NPSR1: variants seen among roughly 807,000 people sequenced by gnomAD.
NPSR1 encodes neuropeptide S receptor.
Under a neutral mutation model 46.9 loss-of-function variants are expected in NPSR1, and 48 were observed. That is an observed-to-expected ratio of 1.02 (90% CI 0.81 to 1.30). The LOEUF is 1.30. NPSR1 is among the 50% of genes most tolerant of loss of function. NPSR1 has a pLI of 0.00. For missense variants in NPSR1, 450 were observed against 449.5 expected, an observed-to-expected ratio of 1.00 and a Z score of -0.01; for synonymous variants, 176 against 168.1, an observed-to-expected ratio of 1.05 and a Z score of -0.36.
At chr7:34,827,627 AC>A in intron 5 of NPSR1, 25 bp downstream of exon 5, 1 of 456,248 alleles carries the variant, frequency 2.2e-6, no homozygotes, top group Non-Finnish European at 4.1e-6. Context: ...GGACAGGACC[AC>A]ACGGGGGGGT....
chr7:34,758,250 C>T (rs551292858), intron 2 of NPSR1: 2 of 152,390 alleles, frequency 1.3e-5, no homozygotes, highest in Admixed American at 1.3e-4. Flanking sequence ...CTCTTACTAA[C>T]ATCTATATTT....
At position 34,864,594 on chromosome 7, in the gene NPSR1, T is replaced by C. The variant is rs186458407; in HGVS notation, c.1026-13482T>C. ...ATTAAAAGTTCAAAGAAAATTAATG[T>C]CCAAAATATATCCCAATTTCTTATC... On this transcript the variant is annotated intron_variant, in intron 8 of 8. Coordinates refer to the NPSR1 transcript ENST00000359791. 3.9e-5 allele frequency among the ~76,000 whole-genome samples: 6 copies of C among 151,950 alleles called. No homozygotes were observed. In the East Asian group the frequency reaches 9.6e-4, roughly 24 times the overall value.
chr7:34,827,689 A>T, intron 5 of NPSR1, 87 bp downstream of exon 5: 1 of 901,706 alleles, frequency 1.1e-6, no homozygotes, highest in Non-Finnish European at 1.7e-6. Context: ...CCTCCCCAAC[A>T]GACCCATTTT....
chr7:34,739,274 T>C (rs745989454), intron 2 of NPSR1, among the ~76,000 whole-genome samples: 3 of 152,234 alleles, frequency 2.0e-5, no homozygotes, highest in African/African-American at 4.8e-5. Context: ...AATTGCTGGG[T>C]CATATGATAA....
chr7:34,794,578 G>C (rs1788088312), intron 3 of NPSR1, among the ~76,000 whole-genome samples: 1 of 152,068 alleles, frequency 6.6e-6, no homozygotes, highest in Admixed American at 6.6e-5. Flanking sequence ...ATCAAGCCCA[G>C]ATGGGTTCAC....
At chr7:34,783,087 AAG>A (rs1421400296) in intron 3 of NPSR1, among the ~76,000 whole-genome samples, 2 of 152,166 alleles carry the variant, frequency 1.3e-5, no homozygotes, top group Non-Finnish European at 2.9e-5. Context: ...ACTAAAGAAA[AAG>A]AAAGAAAAAA....
At chr7:34,759,999 T>TAA (rs1786080592) in intron 2 of NPSR1, among the ~76,000 whole-genome samples, 1 of 152,246 alleles carries the variant, frequency 6.6e-6, no homozygotes, top group Non-Finnish European at 1.5e-5. Flanking sequence ...CTTTTCACCT[T>TAA]ATCCGCCATC....
At chr7:34,790,988 A>ATATGTTATATGTTATATGTTATATGT in intron 3 of NPSR1, among the ~76,000 whole-genome samples, 1 of 92,682 alleles carries the variant, frequency 1.1e-5, no homozygotes, top group South Asian at 3.0e-4. Flanking sequence ...ATGTTATATT[A>ATATGTTATATGTTATATGTTATATGT]TATATGTTAT....
At chr7:34,832,790 T>C (rs1011433424) in intron 5 of NPSR1, among the ~76,000 whole-genome samples, 5 of 152,216 alleles carry the variant, frequency 3.3e-5, no homozygotes, top group African/African-American at 9.6e-5. Flanking sequence ...AATTAAATAC[T>C]GGGGTTGCAA....
intron 4 of NPSR1, among the ~76,000 whole-genome samples, chr7:34,818,636 G>A (rs1261082840): frequency 6.6e-6 from 1 of 152,148 alleles, no homozygotes; most frequent in African/African-American, 2.4e-5. Context: ...AAAGAACAAA[G>A]CTGGAGACAT....
intron 6 of NPSR1, among the ~76,000 whole-genome samples, chr7:34,836,672 AAG>A (rs370898026): frequency 1.3e-5 from 2 of 149,812 alleles, no homozygotes; most frequent in South Asian, 2.2e-4. Flanking sequence ...AGAAGAAAGA[AAG>A]AGAGAGAGGG....
chr7:34,696,253 G>A (rs2128693058), intron 2 of NPSR1, among the ~76,000 whole-genome samples: 1 of 152,166 alleles, frequency 6.6e-6, no homozygotes, highest in East Asian at 1.9e-4. Flanking sequence ...ATAAGGGGGA[G>A]CTAAATATCC....
chr7:34,866,780 A>G (rs1791325033), intron 8 of NPSR1, among the ~76,000 whole-genome samples: 1 of 151,704 alleles, frequency 6.6e-6, no homozygotes, highest in South Asian at 2.1e-4. Context: ...AATTATTGGG[A>G]TATTCTTTAG....
chr7:34,794,657 G>C (rs1788092917), intron 3 of NPSR1, among the ~76,000 whole-genome samples: 1 of 152,010 alleles, frequency 6.6e-6, no homozygotes, highest in Non-Finnish European at 1.5e-5. Context: ...TGAAAATATA[G>C]AAGCAGAGGC....
At chr7:34,741,879 TC>T (rs1784957254) in intron 2 of NPSR1, among the ~76,000 whole-genome samples, 2 of 152,326 alleles carry the variant, frequency 1.3e-5, no homozygotes, top group South Asian at 2.1e-4. Flanking sequence ...TCATTAAGCT[TC>T]CCCTGGTTGT....
chr7:34,822,669 G>C, intron 4 of NPSR1, among the ~76,000 whole-genome samples: 1 of 152,120 alleles, frequency 6.6e-6, no homozygotes, highest in Admixed American at 6.5e-5. Context: ...GGCAAAAAAT[G>C]AATTAGTATA....
intron 6 of NPSR1, 46 bp downstream of exon 6, chr7:34,834,506 TC>T: frequency 1.5e-6 from 2 of 1,348,980 alleles, no homozygotes; most frequent in African/African-American, 1.4e-5. Context: ...AATTTGCTTC[TC>T]CAGAGGTTTT....
At chr7:34,699,204 G>A (rs561513820) in intron 2 of NPSR1, among the ~76,000 whole-genome samples, 5 of 152,180 alleles carry the variant, frequency 3.3e-5, no homozygotes, top group Non-Finnish European at 7.3e-5. Flanking sequence ...TATTGACCAG[G>A]TGTGGTGGCT....
chr7:34,672,659 A>G (rs1792117597), intron 1 of NPSR1, among the ~76,000 whole-genome samples: 1 of 152,216 alleles, frequency 6.6e-6, no homozygotes, highest in Non-Finnish European at 1.5e-5. Context: ...AGACTAAACT[A>G]AGAAATCAAT....
Sources: gnomAD v4.1 joint callset for allele counts (sites outside exome capture counted in the v4.1 genomes callset) on GRCh38, gnomAD v4.1.1 for gene constraint, MANE v1.5 for transcripts, NCBI Gene and HGNC (gene_info 2026-07-23, HGNC 2026-07-21) for gene names.